DFFB: variants seen among roughly 807,000 people sequenced by gnomAD.
DFFB encodes the protein DNA fragmentation factor 40 kDa subunit.
DFFB carries 29 observed loss-of-function variants against 32.7 expected under a neutral mutation model. The ratio of observed to expected loss-of-function variants is 0.89; its 90% confidence interval spans 0.66 to 1.21. The LOEUF is 1.21. DFFB is among the 50% of genes most tolerant of loss of function. The pLI is 0.00. For missense variants in DFFB, 398 were observed against 440.6 expected, an observed-to-expected ratio of 0.90 and a Z score of 0.87; for synonymous variants, 170 against 177.1, an observed-to-expected ratio of 0.96 and a Z score of 0.32.
chr1:3,883,404 C>T, intron 6 of DFFB, 103 bp from the exon 7 acceptor site: 2 of 1,106,442 alleles, frequency 1.8e-6, no homozygotes, highest in Non-Finnish European at 1.3e-6. Context: ...CGTGATAGCA[C>T]TTAGGGGAAT....
intron 2 of DFFB, among the ~76,000 whole-genome samples, chr1:3,860,159 C>A (rs1644852232): frequency 6.6e-6 from 1 of 152,194 alleles, no homozygotes; most frequent in African/African-American, 2.4e-5. Flanking sequence ...AACTCCTGGG[C>A]TCAAGAAGTC....
At chr1:3,872,155 C>G (rs540171157) in intron 5 of DFFB, among the ~76,000 whole-genome samples, 1 of 152,368 alleles carries the variant, frequency 6.6e-6, no homozygotes, top group Non-Finnish European at 1.5e-5. Context: ...GGCTCAACGC[C>G]TGTAATCCCA....
rs1645070844 is a variant in DFFB, at chr1:3,869,650, T to G, written c.556T>G (p.Phe186Val). ...STVGAEAQEE[F>V]LRVLGSMCQR... ...GGTGGGTGCGGAGGCTCAGGAGGAA[T>G]TCCTGCGGGTCCTCGGCTCCATGTG... Residue 186 changes from phenylalanine to valine, a missense_variant, in exon 5 of 7, where the codon TTC becomes GTC. Phe to Val is a conservative substitution (Grantham distance 50). Transcript: ENST00000378209. The G allele has an allele frequency of 6.2e-7, 1 of 1,613,410 alleles. No homozygotes were observed. The highest frequency in any genetic ancestry group is 8.5e-7 in the Non-Finnish European group (1 of 1,179,834).
chr1:3,872,655 G>A, intron 6 of DFFB, 83 bp downstream of exon 6: 2 of 1,274,252 alleles, frequency 1.6e-6, no homozygotes, highest in Admixed American at 1.8e-5. Context: ...CCATGGCCCT[G>A]TCCCTGCCAC....
intron 4 of DFFB, among the ~76,000 whole-genome samples, chr1:3,868,769 G>T (rs1380617592): frequency 6.6e-6 from 1 of 151,472 alleles, no homozygotes; most frequent in Non-Finnish European, 1.5e-5. Context: ...AGGGTGCTGT[G>T]GAGGCCCCTG....
intron 1 of DFFB, 45 bp from the exon 2 acceptor site, chr1:3,858,673 G>C (rs757305966): frequency 6.2e-7 from 1 of 1,601,174 alleles, no homozygotes; most frequent in Non-Finnish European, 8.5e-7. Flanking sequence ...CAAAGCCCTC[G>C]TCTTGAGACC....
rs70940334 is a variant in DFFB at position 3,865,073 on chromosome 1, AT to A, written c.242-728del. On this transcript the variant is annotated intron_variant, in intron 2 of 6. Coordinates refer to ENST00000378209, the MANE Select transcript of DFFB (RefSeq NM_004402.4). The surrounding 1 kb of genome is among the most constrained non-coding windows in gnomAD (Gnocchi z 4.7). ...TGTGGCTTTTCATTCTCTTAAGAGC[AT>A]TTTTTTTTTTGCGGAGTAAGAGTTT... is the stretch of plus-strand genomic sequence containing the variant. Among the ~76,000 whole-genome samples, 125,096 of 149,144 alleles carry A rather than the reference AT, an allele frequency of 0.84. 53,264 individuals carry two copies. The highest frequency in any genetic ancestry group is 0.93 in the Non-Finnish European group (62,629 of 67,102).
intron 6 of DFFB, among the ~76,000 whole-genome samples, chr1:3,881,715 C>T (rs890256397): frequency 6.6e-6 from 1 of 151,992 alleles, no homozygotes; most frequent in Non-Finnish European, 1.5e-5. Context: ...AATACAAATA[C>T]AAAAATTAGC....
In DFFB at chr1:3,865,687, C is replaced by T; in HGVS notation, c.242-125C>T. On this transcript the variant is annotated intron_variant, in intron 2 of 6. Transcript: ENST00000378209. The surrounding 1 kb of genome is among the most constrained non-coding windows in gnomAD (Gnocchi z 4.7). Reference sequence around the variant, plus strand: ...GACAAAGACCCGGGACACCTCAAGTCTGAGTCCTGGTGATTGCCAGGCCCT... The same window carrying T: ...GACAAAGACCCGGGACACCTCAAGTTTGAGTCCTGGTGATTGCCAGGCCCT... 1 of 1,483,818 alleles carries T rather than the reference C, an allele frequency of 6.7e-7. No homozygotes were observed. The highest frequency in any genetic ancestry group is 9.4e-7 in the Non-Finnish European group (1 of 1,061,874). The allele number at this position is 1,483,818 out of a possible 1,614,324, so 91.9% of individuals were successfully genotyped here. A position where few individuals can be genotyped will look rare whatever the true frequency, so the allele number is the denominator to read the frequency against.
intron 2 of DFFB, among the ~76,000 whole-genome samples, chr1:3,861,081 C>G (rs1261570946): frequency 4.8e-5 from 7 of 146,104 alleles, no homozygotes; most frequent in Non-Finnish European, 7.4e-5. Context: ...TTGAGCCCAG[C>G]AGGTGGAGGT....
chr1:3,873,055 C>T (rs1297672202), intron 6 of DFFB: 2 of 1,141,626 alleles, frequency 1.8e-6, no homozygotes, highest in Non-Finnish European at 1.2e-6. Flanking sequence ...AGTGCAGTGG[C>T]AGGATCATGG....
At chr1:3,867,728 C>T in intron 3 of DFFB, 1 of 487,608 alleles carries the variant, frequency 2.1e-6, no homozygotes, top group Non-Finnish European at 3.7e-6. Context: ...TAGTGCGTCC[C>T]TGTAGTCTTA....
At position 3,883,872 on chromosome 1, in the gene DFFB, T is replaced by C; in HGVS notation, c.*131T>C. The C allele has an allele frequency of 3.0e-6, 2 of 674,488 alleles. No homozygotes were observed. Among genetic ancestry groups the C allele is most frequent in the East Asian group, 2.7e-5 (1 of 36,808 alleles). 41.8% of individuals were successfully genotyped at this position (674,488 alleles called of 1,614,324 possible). On this transcript the variant is annotated 3_prime_UTR_variant, in exon 7 of 7. Coordinates refer to ENST00000378209, the MANE Select transcript of DFFB (RefSeq NM_004402.4). ...AGCTCCTGGAAAAAACCTTAAAAAA[T>C]GTTTCCTCCAAATCTGATTTCATTA... is the stretch of plus-strand genomic sequence containing the variant.
chr1:3,869,324 G>T (rs1389132706), intron 4 of DFFB, among the ~76,000 whole-genome samples: 3 of 152,212 alleles, frequency 2.0e-5, no homozygotes, highest in Non-Finnish European at 4.4e-5. Flanking sequence ...GCCTCCCAGA[G>T]TGCTGGGATT....
intron 2 of DFFB, among the ~76,000 whole-genome samples, chr1:3,859,602 A>G (rs6660459): frequency 0.26 from 39,886 of 151,966 alleles, 5,699 homozygotes; most frequent in African/African-American, 0.34. Flanking sequence ...CTAAGGGGCA[A>G]AAAGAGAGAA....
At chr1:3,861,647 A>C (rs1215722856) in intron 2 of DFFB, among the ~76,000 whole-genome samples, 1 of 152,164 alleles carries the variant, frequency 6.6e-6, no homozygotes, top group Non-Finnish European at 1.5e-5. Flanking sequence ...AGGGTGGCCT[A>C]TAACTCCTAG....
chr1:3,883,730 A>G lies in DFFB; in HGVS notation c.1006A>G (p.Lys336Glu). The change falls in exon 7 of 7, where the codon AAA becomes GAA. Residue 336 changes from lysine (K) to glutamate (E), a missense_variant. Lys to Glu is a moderately conservative substitution (Grantham distance 56, BLOSUM62 1). Transcript: ENST00000378209. ...GTTGAAGCGGAAGCAGCCTGTGCGG[A>G]AACGCCAGTGACACGTACACACCAC... ...TRLKRKQPVR[K>E]RQ 6.2e-7 allele frequency: 1 copy of G among 1,614,110 alleles called. No homozygotes were observed.
chr1:3,857,919 G>A (rs1404085130), intron 1 of DFFB, among the ~76,000 whole-genome samples: 1 of 152,196 alleles, frequency 6.6e-6, no homozygotes, highest in Admixed American at 6.5e-5. Flanking sequence ...GTTGGGGGAC[G>A]ACCTGGATCA....
chr1:3,872,427 A>C, intron 5 of DFFB, 45 bp from the exon 6 acceptor site: 3 of 1,431,852 alleles, frequency 2.1e-6, no homozygotes, highest in South Asian at 2.4e-5. Context: ...AAAAAAAAAA[A>C]GAGACTCACT....
Sources: gnomAD v4.1 joint callset for allele counts (sites outside exome capture counted in the v4.1 genomes callset) on GRCh38, gnomAD v4.1.1 for gene constraint, Gnocchi (gnomAD v3.1) non-coding constraint, MANE v1.5 for transcripts, NCBI Gene and HGNC (gene_info 2026-07-23, HGNC 2026-07-21) for gene names.